Variants in PPP1R12B observed in about 807,000 individuals in gnomAD.
PPP1R12B encodes the protein myosin phosphatase target subunit 2.
PPP1R12B carries 76 observed loss-of-function variants against 126.1 expected under a neutral mutation model. The observed-to-expected ratio is 0.60, with a 90% CI of 0.50 to 0.73. PPP1R12B has a LOEUF of 0.73. Ranked by LOEUF, PPP1R12B falls within the 30% of genes least tolerant of loss-of-function variation. The pLI is 0.00. For missense variants in PPP1R12B, 1,052 were observed against 1,205.1 expected, an observed-to-expected ratio of 0.87 and a Z score of 1.88; for synonymous variants, 356 against 434.7, an observed-to-expected ratio of 0.82 and a Z score of 2.25.
intron 18 of PPP1R12B, among the ~76,000 whole-genome samples, chr1:202,503,816 A>G (rs1213673326): frequency 6.6e-6 from 1 of 151,806 alleles, no homozygotes; most frequent in East Asian, 1.9e-4. Flanking sequence ...TTCCCATGAA[A>G]TCTGCTCAGT....
chr1:202,370,818 A>G (rs1475299559), intron 1 of PPP1R12B, among the ~76,000 whole-genome samples: 8 of 151,920 alleles, frequency 5.3e-5, no homozygotes, highest in Non-Finnish European at 1.2e-4. Context: ...GATTACAGGC[A>G]TCAGCCATCG....
chr1:202,404,076 A>AT (rs1279787371), intron 1 of PPP1R12B, among the ~76,000 whole-genome samples: 1 of 152,110 alleles, frequency 6.6e-6, no homozygotes, highest in Non-Finnish European at 1.5e-5. Context: ...TCCTACTGCA[A>AT]TTATCATTCT....
chr1:202,563,009 C>T, intron 20 of PPP1R12B, 87 bp downstream of exon 20: 2 of 1,395,438 alleles, frequency 1.4e-6, no homozygotes, highest in Non-Finnish European at 1.9e-6. Flanking sequence ...ATTACCATAG[C>T]TCTGAATAAG....
intron 18 of PPP1R12B, among the ~76,000 whole-genome samples, chr1:202,533,209 A>G (rs1684154544): frequency 6.6e-6 from 1 of 152,124 alleles, no homozygotes; most frequent in South Asian, 2.1e-4. Flanking sequence ...GAAAGATCCA[A>G]TCCAGGATCA....
chr1:202,588,870 G>GATAGATAT lies in PPP1R12B; in HGVS notation c.*8313_*8314insGATATATA, dbSNP rs939627461. 2 of 141,462 alleles carry GATAGATAT rather than the reference G, an allele frequency of 1.4e-5. No individual in the cohort carries two copies. The highest frequency in any genetic ancestry group is 3.0e-5 in the African/African-American group (1 of 32,958). The allele number at this position is 141,462 out of a possible 1,614,324, so 8.8% of individuals were successfully genotyped here. A position where few individuals can be genotyped will look rare whatever the true frequency, so the allele number is the denominator to read the frequency against. On this transcript the variant is annotated 3_prime_UTR_variant, in exon 24 of 24. Coordinates refer to ENST00000608999, the MANE Select transcript of PPP1R12B (RefSeq NM_002481.4). ...AGATAGATAGATAGATAGATAGATA[G>GATAGATAT]ATATCAAGGTTCCAAGCTTCAAGTA... is the stretch of plus-strand genomic sequence containing the variant.
At chr1:202,374,489 C>CTG (rs1413223699) in intron 1 of PPP1R12B, among the ~76,000 whole-genome samples, 3 of 102,108 alleles carry the variant, frequency 2.9e-5, no homozygotes, top group Non-Finnish European at 6.3e-5. Context: ...TCATTTGTCT[C>CTG]TCTCTTTTTT....
At chr1:202,497,174 C>T (rs747478771) in intron 18 of PPP1R12B, among the ~76,000 whole-genome samples, 4 of 152,038 alleles carry the variant, frequency 2.6e-5, no homozygotes, top group East Asian at 1.9e-4. Context: ...TTTTTGGATC[C>T]GCACTAATAG....
intron 1 of PPP1R12B, among the ~76,000 whole-genome samples, chr1:202,370,550 T>C (rs982014834): frequency 5.9e-5 from 9 of 152,296 alleles, no homozygotes; most frequent in African/African-American, 2.2e-4. Context: ...ATAATTTTTT[T>C]TTTTTGAGAT....
At chr1:202,432,354 C>T (rs540381253) in intron 8 of PPP1R12B, among the ~76,000 whole-genome samples, 41 of 152,008 alleles carry the variant, frequency 2.7e-4, no homozygotes, top group African/African-American at 7.7e-4. Context: ...CTGCAACCTC[C>T]GCCTCCCAGG....
chr1:202,534,117 A>G (rs1238385915), intron 18 of PPP1R12B, among the ~76,000 whole-genome samples: 1 of 151,918 alleles, frequency 6.6e-6, no homozygotes, highest in Non-Finnish European at 1.5e-5. Flanking sequence ...ATGTCTACTC[A>G]TGGGTTCCTA....
chr1:202,427,878 C>T (rs1669746062), intron 5 of PPP1R12B, among the ~76,000 whole-genome samples: 1 of 152,014 alleles, frequency 6.6e-6, no homozygotes, highest in Admixed American at 6.6e-5. Context: ...TCTCGATCTC[C>T]TGACCTCGTG....
Position 202,348,747 on chromosome 1 carries a change from C to T in PPP1R12B, c.-105C>T, listed in dbSNP as rs780522635. The stretch of plus-strand genomic sequence containing the variant: ...AGATGGCGGCGCGAGGGTCTCCGCC[C>T]TCTGCTCCGGGCTGAAGCGCTCTGA... On this transcript the variant is annotated 5_prime_UTR_variant, in exon 1 of 24. Coordinates refer to ENST00000608999, the MANE Select transcript of PPP1R12B (RefSeq NM_002481.4). The T allele has an allele frequency of 1.8e-5, 25 of 1,401,980 alleles. No individual in the cohort carries two copies. Among genetic ancestry groups the T allele is most frequent in the African/African-American group, 7.3e-5 (5 of 68,482 alleles). The allele number at this position is 1,401,980 out of a possible 1,614,324, so 86.8% of individuals were successfully genotyped here.
chr1:202,567,873 T>A (rs758215835), intron 22 of PPP1R12B, 42 bp downstream of exon 22: 1 of 1,603,008 alleles, frequency 6.2e-7, no homozygotes, highest in Non-Finnish European at 8.5e-7. Context: ...ATTTCATCTC[T>A]TCTTTCTGAC....
intron 12 of PPP1R12B, among the ~76,000 whole-genome samples, chr1:202,446,501 C>T (rs919460164): frequency 6.7e-6 from 1 of 148,540 alleles, no homozygotes; most frequent in Non-Finnish European, 1.5e-5. Flanking sequence ...CCTCATGATC[C>T]GCCCACTTCG....
At chr1:202,542,317 T>G (rs1314808191) in intron 18 of PPP1R12B, among the ~76,000 whole-genome samples, 1 of 152,208 alleles carries the variant, frequency 6.6e-6, no homozygotes, top group Non-Finnish European at 1.5e-5. Flanking sequence ...TCAGCCACCC[T>G]GAAAGGTGGG....
chr1:202,417,018 T>G (rs1668165766), intron 2 of PPP1R12B, 101 bp downstream of exon 2: 1 of 1,333,526 alleles, frequency 7.5e-7, no homozygotes, highest in African/African-American at 1.5e-5. Context: ...AGTTATAATC[T>G]CTCTTTATTA....
chr1:202,406,100 C>T (rs1389093812), intron 1 of PPP1R12B, among the ~76,000 whole-genome samples: 1 of 152,162 alleles, frequency 6.6e-6, no homozygotes, highest in Non-Finnish European at 1.5e-5. Flanking sequence ...TTGCCCATGC[C>T]ATAGCTTTCA....
chr1:202,381,545 T>G (rs986961321), intron 1 of PPP1R12B, among the ~76,000 whole-genome samples: 2 of 151,870 alleles, frequency 1.3e-5, no homozygotes, highest in African/African-American at 4.8e-5. Flanking sequence ...ATAGGAAAAT[T>G]TCCATCAGTG....
At chr1:202,356,061 G>C (rs1027432631) in intron 1 of PPP1R12B, among the ~76,000 whole-genome samples, 1 of 152,076 alleles carries the variant, frequency 6.6e-6, no homozygotes, top group Non-Finnish European at 1.5e-5. Flanking sequence ...CAAACATGTG[G>C]TCCCAGTTAC....
Sources: gnomAD v4.1 joint callset for allele counts (sites outside exome capture counted in the v4.1 genomes callset) on GRCh38, gnomAD v4.1.1 for gene constraint, MANE v1.5 for transcripts, NCBI Gene and HGNC (gene_info 2026-07-23, HGNC 2026-07-21) for gene names.